Variants in CPEB1 observed in about 807,000 individuals in gnomAD.
The protein encoded by CPEB1 is cytoplasmic polyadenylation element binding protein 1.
In CPEB1, 7 loss-of-function variants were observed where a neutral mutation model predicts 65.8. The observed-to-expected ratio is 0.11, with a 90% CI of 0.06 to 0.20. The LOEUF (loss-of-function observed/expected upper bound fraction) is 0.20, where lower values mean the gene tolerates loss of function less well. Ranked by LOEUF, CPEB1 falls within the 10% of genes least tolerant of loss-of-function variation. The probability of loss-of-function intolerance (pLI) is 1.00; values close to 1 mark genes in which losing one functional copy is unlikely to be tolerated. For synonymous variants in CPEB1, 262 were observed against 260.0 expected (o/e 1.01, Z -0.08); for missense variants, 551 against 712.2 (o/e 0.77, Z 2.58).
At chr15:82,621,387 C>T (rs112478508) in intron 3 of CPEB1, among the ~76,000 whole-genome samples, 32,845 of 151,424 alleles carry the variant, frequency 0.22, 4,488 homozygotes, top group South Asian at 0.41. Context: ...TTTGGGAGGC[C>T]GAGGCAGGCG....
At chr15:82,614,109 G>A (rs1265582049) in intron 3 of CPEB1, among the ~76,000 whole-genome samples, 1 of 152,086 alleles carries the variant, frequency 6.6e-6, no homozygotes, top group African/African-American at 2.4e-5. Context: ...GCTGGAAAGG[G>A]ACTGGCCTCC....
intron 9 of CPEB1, among the ~76,000 whole-genome samples, chr15:82,551,703 T>C (rs2150948863): frequency 6.6e-6 from 1 of 152,338 alleles, no homozygotes; most frequent in Middle Eastern, 3.4e-3. Context: ...TTGTGTGCTC[T>C]CAAATCCGAT....
chr15:82,556,284 T>TA, intron 5 of CPEB1, 162 bp from the exon 6 acceptor site: 1 of 765,780 alleles, frequency 1.3e-6, no homozygotes, highest in East Asian at 3.1e-5. Flanking sequence ...CTAGTTATAC[T>TA]ATAATTTAAA....
At chr15:82,553,672 C>A in intron 7 of CPEB1, 116 bp from the exon 8 acceptor site, 1 of 839,194 alleles carries the variant, frequency 1.2e-6, no homozygotes, top group South Asian at 1.5e-5. Flanking sequence ...ACAAACAACT[C>A]AGAAACGAAT....
chr15:82,634,163 A>G (rs903285870), intron 1 of CPEB1, among the ~76,000 whole-genome samples: 9 of 147,336 alleles, frequency 6.1e-5, no homozygotes, highest in African/African-American at 2.3e-4. Context: ...AAGCTTATTT[A>G]CTTGTTTTAG....
At chr15:82,554,360 T>C (rs899904782) in intron 6 of CPEB1, among the ~76,000 whole-genome samples, 3 of 152,246 alleles carry the variant, frequency 2.0e-5, no homozygotes, top group East Asian at 1.9e-4. Context: ...AAAATAAACA[T>C]AGCAATACAA....
chr15:82,589,320 G>C (rs892941928), intron 3 of CPEB1, among the ~76,000 whole-genome samples: 3 of 152,234 alleles, frequency 2.0e-5, no homozygotes, highest in Non-Finnish European at 2.9e-5. Flanking sequence ...TCAGTCTTCA[G>C]CTTAAATGCT....
intron 3 of CPEB1, among the ~76,000 whole-genome samples, chr15:82,590,172 G>T (rs2042110436): frequency 8.5e-6 from 1 of 116,980 alleles, no homozygotes. Flanking sequence ...AAGAAGTGCA[G>T]AATAGTCTTT....
Position 82,549,535 on chromosome 15 carries a change from C to T in CPEB1, c.1405G>A (p.Ala469Thr). ...CCAAATAGGTCGTTCAAGATGGCTG[C>T]CAGGGCCTCAGCATTTAGCATTCCA... ...LHGMLNAEAL[A>T]AILNDLFGGV... The change falls in exon 10 of 13, where the codon GCA becomes ACA. Residue 469 changes from alanine (A) to threonine (T), a missense_variant. Around this residue, in one of 6 missense-constraint regions of CPEB1, gnomAD observed 98 missense variants for 157.6 expected, o/e 0.62. Transcript: ENST00000684509. The T allele has an allele frequency of 1.2e-6, 2 of 1,614,202 alleles. No homozygotes were observed. The highest frequency in any genetic ancestry group is 1.7e-6 in the Non-Finnish European group (2 of 1,180,046).
At chr15:82,634,184 G>GT (rs34681847) in intron 1 of CPEB1, among the ~76,000 whole-genome samples, 63,725 of 146,548 alleles carry the variant, frequency 0.43, 13,942 homozygotes, top group African/African-American at 0.53. Context: ...CATATAACTG[G>GT]TTTTTTTTTT....
At chr15:82,555,752 G>A (rs2037086913) in intron 6 of CPEB1, 118 bp downstream of exon 6, 2 of 1,040,712 alleles carry the variant, frequency 1.9e-6, no homozygotes, top group Non-Finnish European at 2.7e-6. Context: ...CAGATCTGGA[G>A]ACTTCACCAT....
chr15:82,579,892 C>A, intron 3 of CPEB1, among the ~76,000 whole-genome samples: 1 of 113,040 alleles, frequency 8.8e-6, no homozygotes, highest in African/African-American at 3.3e-5. Flanking sequence ...GCAGTCCGGC[C>A]TGGGCGACAG....
At chr15:82,598,646 G>A (rs1292650419) in intron 3 of CPEB1, among the ~76,000 whole-genome samples, 3 of 152,008 alleles carry the variant, frequency 2.0e-5, no homozygotes, top group Admixed American at 6.6e-5. Flanking sequence ...TTAGCTGGGC[G>A]TGGTGGTGGG....
intron 4 of CPEB1, among the ~76,000 whole-genome samples, chr15:82,568,863 G>A (rs1386683652): frequency 6.6e-6 from 1 of 152,170 alleles, no homozygotes; most frequent in African/African-American, 2.4e-5. Context: ...TTTGCCAGAT[G>A]AATTTAGCCA....
At chr15:82,637,576 C>T (rs867861192) in intron 1 of CPEB1, among the ~76,000 whole-genome samples, 6 of 152,166 alleles carry the variant, frequency 3.9e-5, no homozygotes, top group Non-Finnish European at 7.3e-5. Context: ...CTTTAACCCT[C>T]GAAGGCAAGC....
chr15:82,633,134 G>A (rs1183211768), intron 1 of CPEB1: 2 of 152,082 alleles, frequency 1.3e-5, no homozygotes, highest in Non-Finnish European at 2.9e-5. Flanking sequence ...CGGGAAAGAA[G>A]GCTTTAAGAT....
chr15:82,604,914 T>G (rs2043427978), intron 3 of CPEB1, among the ~76,000 whole-genome samples: 1 of 146,098 alleles, frequency 6.8e-6, no homozygotes. Flanking sequence ...GAACTGCAAG[T>G]AGGATAAGCT....
intron 3 of CPEB1, among the ~76,000 whole-genome samples, chr15:82,573,852 T>C (rs1011144126): frequency 6.6e-6 from 1 of 152,166 alleles, no homozygotes; most frequent in Non-Finnish European, 1.5e-5. Flanking sequence ...TGGTGGCTCA[T>C]GCCTATAATC....
intron 1 of CPEB1, among the ~76,000 whole-genome samples, chr15:82,646,220 C>T (rs1302269141): frequency 1.3e-5 from 2 of 152,206 alleles, no homozygotes; most frequent in Non-Finnish European, 2.9e-5. Flanking sequence ...ACACTCTTCC[C>T]GCTAGCAAGG....
Sources: allele counts gnomAD v4.1 joint callset (sites outside exome capture counted in the v4.1 genomes callset), GRCh38; gene constraint gnomAD v4.1.1; regional missense constraint gnomAD v4.1.1; transcripts MANE v1.5; gene names NCBI Gene and HGNC (gene_info 2026-07-23, HGNC 2026-07-21).